BCOR: variants seen among roughly 807,000 people sequenced by gnomAD.
BCOR encodes BCL-6 corepressor.
In BCOR, 10 loss-of-function variants were observed where a neutral mutation model predicts 86.7. The observed-to-expected ratio is 0.12, with a 90% CI of 0.07 to 0.20. The LOEUF (loss-of-function observed/expected upper bound fraction) is 0.20, where lower values mean the gene tolerates loss of function less well. BCOR is among the 10% of genes least tolerant of loss of function. The pLI is 1.00. For missense variants in BCOR, 1,259 were observed against 1,452.1 expected (o/e 0.87, Z 2.16); for synonymous variants, 611 against 609.0 (o/e 1.00, Z -0.05).
chrX:40,088,941 G>C (rs1243993423), intron 1 of BCOR, among the ~76,000 whole-genome samples: 1 of 112,021 alleles, frequency 8.9e-6, no homozygotes, highest in African/African-American at 3.3e-5. Flanking sequence ...ATCCCACTTG[G>C]GGGTGGAGGG....
At chrX:40,117,700 A>G (rs1937416657) in intron 1 of BCOR, among the ~76,000 whole-genome samples, 1 of 110,286 alleles carries the variant, frequency 9.1e-6, no homozygotes, top group South Asian at 3.9e-4. Context: ...TCATGGAAAA[A>G]CCATGGAGGG....
At chrX:40,083,391 T>A (rs1485716524) in intron 1 of BCOR, among the ~76,000 whole-genome samples, 1 of 111,620 alleles carries the variant, frequency 9.0e-6, no homozygotes, top group Non-Finnish European at 1.9e-5. Context: ...GCCACAGCCT[T>A]AGCCGTAGCC....
At chrX:40,125,408 AT>A (rs1300807645) in intron 1 of BCOR, among the ~76,000 whole-genome samples, 1 of 111,103 alleles carries the variant, frequency 9.0e-6, no homozygotes, top group Non-Finnish European at 1.9e-5. Flanking sequence ...TAATTTTTGT[AT>A]TTTTACTAGA....
chrX:40,066,093 G>A (rs1163362754), intron 6 of BCOR, among the ~76,000 whole-genome samples: 1 of 110,883 alleles, frequency 9.0e-6, no homozygotes, highest in Non-Finnish European at 1.9e-5. Flanking sequence ...CTCCCCAACC[G>A]TTCCTCCTCA....
At chrX:40,164,483 G>A (rs772445823) in intron 1 of BCOR, among the ~76,000 whole-genome samples, 9 of 112,132 alleles carry the variant, frequency 8.0e-5, no homozygotes, top group Non-Finnish European at 1.7e-4. Flanking sequence ...CTTTGATAAC[G>A]CAGTGTCTTA....
intron 1 of BCOR, among the ~76,000 whole-genome samples, chrX:40,106,037 C>T (rs1018682443): frequency 5.2e-4 from 59 of 112,637 alleles, no homozygotes; most frequent in African/African-American, 1.8e-3. Context: ...GTACTCCACC[C>T]GCCCCCCTCC....
rs984518939 is a variant in BCOR at position 40,138,624 on chromosome X, G to C, written c.-41+38383C>G. ...GGCAGGAGTGTAGTGGCACGATCTC[G>C]GCTCATTGCAACCTCCGCCTCCCGG... On this transcript the variant is annotated intron_variant, in intron 1 of 14. Coordinates refer to the BCOR transcript ENST00000342274. Among the ~76,000 whole-genome samples, 4 of 110,446 alleles carry C rather than the reference G, an allele frequency of 3.6e-5. No homozygotes were observed. The East Asian group carries it at 1.1e-3, about 31-fold the overall frequency.
At chrX:40,053,836 A>C in intron 14 of BCOR, 50 bp downstream of exon 14, 1 of 1,196,758 alleles carries the variant, frequency 8.4e-7, no homozygotes, top group Non-Finnish European at 1.1e-6. Flanking sequence ...AACTCCTGTC[A>C]CCTCAAGAGC....
intron 1 of BCOR, among the ~76,000 whole-genome samples, chrX:40,107,577 C>G (rs1376984332): frequency 8.8e-6 from 1 of 113,538 alleles, no homozygotes; most frequent in Non-Finnish European, 1.9e-5. Flanking sequence ...TGCTCCGGTC[C>G]GAGGCCCCGC....
At chrX:40,169,486 A>G (rs1938573926) in intron 1 of BCOR, among the ~76,000 whole-genome samples, 1 of 111,409 alleles carries the variant, frequency 9.0e-6, no homozygotes, top group African/African-American at 3.3e-5. Flanking sequence ...TTATATGTAA[A>G]AACAGTCTTG....
At chrX:40,170,508 C>T (rs1017905818) in intron 1 of BCOR, among the ~76,000 whole-genome samples, 2 of 110,559 alleles carry the variant, frequency 1.8e-5, no homozygotes, top group Non-Finnish European at 3.8e-5. Context: ...CCACCTTGCC[C>T]GGCTAATTTT....
intron 7 of BCOR, 145 bp downstream of exon 7, chrX:40,064,191 G>A (rs1044158091): frequency 1.0e-4 from 95 of 922,627 alleles, no homozygotes; most frequent in Non-Finnish European, 1.3e-4. Context: ...GGAGAGGTCC[G>A]CTCCACTGCT....
chrX:40,159,701 G>A (rs1170479910), intron 1 of BCOR, among the ~76,000 whole-genome samples: 1 of 111,894 alleles, frequency 8.9e-6, no homozygotes, highest in African/African-American at 3.3e-5. Context: ...TTTTGAAAAA[G>A]TTTTCAGATT....
At chrX:40,055,632 TCC>T in intron 11 of BCOR, 119 bp from the exon 12 acceptor site, 1 of 803,661 alleles carries the variant, frequency 1.2e-6, no homozygotes. Flanking sequence ...GTACTGAGCC[TCC>T]TAAGCACAGT....
At chrX:40,165,366 G>A (rs1172237732) in intron 1 of BCOR, among the ~76,000 whole-genome samples, 2 of 112,242 alleles carry the variant, frequency 1.8e-5, no homozygotes, top group African/African-American at 3.2e-5. Context: ...AGCTGAAGGG[G>A]CAGTTCTCCT....
In BCOR at chrX:40,072,728, T is replaced by G. The variant is rs931238012; in HGVS notation, c.2618A>C (p.Gln873Pro). Reference protein sequence around the residue: ...SDFHETYTFKQPVFTVSKDSV... With the variant: ...SDFHETYTFKPPVFTVSKDSV... ...GTCCTTGCTTACGGTGAAGACTGGC[T>G]GTTTGAAAGTATAAGTTTCGTGGAA... The change falls in exon 4 of 15, where the codon CAG (glutamine) becomes CCG (proline). Residue 873 changes from glutamine to proline, a missense_variant. Gln to Pro is a moderately conservative substitution (Grantham distance 76, BLOSUM62 -1). Around this residue, in one of 7 missense-constraint regions of BCOR, gnomAD observed 534 missense variants for 594.8 expected, o/e 0.90. Coordinates refer to ENST00000378444, the MANE Select transcript of BCOR (RefSeq NM_001123385.2). The G allele has an allele frequency of 1.7e-6, 2 of 1,211,833 alleles. No homozygotes were observed.
At chrX:40,153,709 C>T (rs1470676082) in intron 1 of BCOR, among the ~76,000 whole-genome samples, 2 of 112,166 alleles carry the variant, frequency 1.8e-5, no homozygotes, top group East Asian at 5.7e-4. Context: ...AAGCACGCCG[C>T]TAGTGTGCAA....
At chrX:40,089,798 G>A (rs1936517319) in intron 1 of BCOR, among the ~76,000 whole-genome samples, 1 of 111,786 alleles carries the variant, frequency 8.9e-6, no homozygotes, top group African/African-American at 3.3e-5. Context: ...TAGAGCAAAA[G>A]CCCTTTGGAG....
At chrX:40,080,815 CGTGT>C (rs533981374) in intron 1 of BCOR, among the ~76,000 whole-genome samples, 3,698 of 65,826 alleles carry the variant, frequency 0.056, 174 homozygotes, top group South Asian at 0.1. Flanking sequence ...GGTTCACTGT[CGTGT>C]GTGTGTGTGT....
Sources: gnomAD v4.1 joint callset for allele counts (sites outside exome capture counted in the v4.1 genomes callset) on GRCh38, gnomAD v4.1.1 for gene constraint, gnomAD v4.1.1 regional missense constraint, MANE v1.5 for transcripts, NCBI Gene and HGNC (gene_info 2026-07-23, HGNC 2026-07-21) for gene names.